Variants in COL5A2 observed in about 807,000 individuals in gnomAD.
COL5A2 encodes the protein collagen alpha-2(V) chain.
In COL5A2, 23 loss-of-function variants were observed where a neutral mutation model predicts 208.2. The ratio of observed to expected loss-of-function variants is 0.11; its 90% CI spans 0.08 to 0.16. COL5A2 has a LOEUF of 0.16. Ranked by LOEUF, COL5A2 falls within the 10% of genes least tolerant of loss-of-function variation. COL5A2 has a pLI of 1.00. For missense variants in COL5A2, 1,590 were observed against 1,956.4 expected (o/e 0.81, Z 3.53); for synonymous variants, 625 against 628.5 (o/e 0.99, Z 0.08).
chr2:189,200,592 G>A (rs1241981596), intron 1 of COL5A2, among the ~76,000 whole-genome samples: 1 of 144,642 alleles, frequency 6.9e-6, no homozygotes, highest in East Asian at 2.0e-4. Flanking sequence ...ATGACCAAGA[G>A]TTTTCCCAAA....
At chr2:189,096,166 T>C (rs1686904719) in intron 6 of COL5A2, 1 of 152,158 alleles carries the variant, frequency 6.6e-6, no homozygotes, top group Admixed American at 6.5e-5. Context: ...TTCAAACTTG[T>C]CTGCTGTTTG....
At chr2:189,422,612 A>G in the COL5A2 span, among the ~76,000 whole-genome samples, 1 of 152,228 alleles carries the variant, frequency 6.6e-6, no homozygotes, top group Non-Finnish European at 1.5e-5. Flanking sequence ...ACTCTCCAGT[A>G]TAAATCATGT....
chr2:189,186,710 C>G (rs1185679293), intron 1 of COL5A2, among the ~76,000 whole-genome samples: 1 of 152,060 alleles, frequency 6.6e-6, no homozygotes, highest in African/African-American at 2.4e-5. Context: ...AAAAAAATTA[C>G]AATATTGGGA....
intron 1 of COL5A2, among the ~76,000 whole-genome samples, chr2:189,111,885 A>G (rs1266109349): frequency 6.6e-6 from 1 of 150,956 alleles, no homozygotes; most frequent in Non-Finnish European, 1.5e-5. Flanking sequence ...TCTTTTTTAA[A>G]ATGGAGTTTT....
At chr2:189,184,111 T>A (rs1436005902), upstream of COL5A2, among the ~76,000 whole-genome samples, 1 of 152,122 alleles carries the variant, frequency 6.6e-6, no homozygotes, top group Non-Finnish European at 1.5e-5. Context: ...TAGGCAAATA[T>A]ACAAACAAGG....
rs1430195802 is a variant in COL5A2 at position 189,146,930 on chromosome 2, ATTTGTGAAACTATC to A, written c.97+32564_97+32577del. ...TAACTGGAAATTAGACCAGAAAAAG[ATTTGTGAAACTATC>A]TTTGTGAAACTATATTTGTGAAAAA... On this transcript the variant is annotated intron_variant, in intron 1 of 53. Coordinates refer to ENST00000374866, the MANE Select transcript of COL5A2 (RefSeq NM_000393.5). Among the ~76,000 whole-genome samples the A allele has an allele frequency of 4.6e-5, 7 of 152,272 alleles. 1 individual carries two copies. In the East Asian group the frequency reaches 1.2e-3, roughly 25 times the overall value.
chr2:189,191,182 AC>A (rs779935140), intron 1 of COL5A2, among the ~76,000 whole-genome samples: 30 of 148,088 alleles, frequency 2.0e-4, no homozygotes, highest in South Asian at 2.1e-4. Flanking sequence ...AAAAACAACA[AC>A]AAAAAAAACC....
At chr2:189,174,913 A>G (rs1300999135) in intron 1 of COL5A2, among the ~76,000 whole-genome samples, 1 of 152,252 alleles carries the variant, frequency 6.6e-6, no homozygotes, top group African/African-American at 2.4e-5. Flanking sequence ...AAATTTATCT[A>G]AAGACAAGAA....
At chr2:189,245,871 A>G in the COL5A2 span, among the ~76,000 whole-genome samples, 9 of 152,152 alleles carry the variant, frequency 5.9e-5, no homozygotes, top group Admixed American at 5.9e-4. Flanking sequence ...TGTCATTACA[A>G]CTTTTGTTTA....
At chr2:189,311,335 T>C in the COL5A2 span, 3 of 1,037,654 alleles carry the variant, frequency 2.9e-6, no homozygotes, top group East Asian at 2.4e-5. Context: ...TGGTGGTGTT[T>C]TGGATGGTTT....
chr2:189,277,477 T>C, the COL5A2 span, among the ~76,000 whole-genome samples: 1 of 152,088 alleles, frequency 6.6e-6, no homozygotes, highest in African/African-American at 2.4e-5. Context: ...TGCCGCTCTC[T>C]ATACCCCTTA....
the COL5A2 span, among the ~76,000 whole-genome samples, chr2:189,354,493 T>G: frequency 6.6e-6 from 1 of 152,236 alleles, no homozygotes; most frequent in Non-Finnish European, 1.5e-5. Context: ...AACTTCTTCC[T>G]GGTTTAGACT....
the COL5A2 span, among the ~76,000 whole-genome samples, chr2:189,340,465 T>C: frequency 6.6e-6 from 1 of 152,326 alleles, no homozygotes; most frequent in East Asian, 1.9e-4. Context: ...GAATCTCCTT[T>C]GCCATTAAGA....
At chr2:189,143,764 G>A (rs756692454) in intron 1 of COL5A2, among the ~76,000 whole-genome samples, 7 of 152,052 alleles carry the variant, frequency 4.6e-5, no homozygotes, top group Non-Finnish European at 1.0e-4. Context: ...AGAATAACTA[G>A]AAAAGACTTC....
rs1200980765 is a variant in COL5A2 at position 189,049,450 on chromosome 2, G to T, written c.3044C>A (p.Thr1015Lys). 2.5e-6 allele frequency: 4 copies of T among 1,611,668 alleles called. No individual in the cohort carries two copies. The African/African-American group carries it at 5.3e-5, about 21-fold the overall frequency. The change falls in exon 44 of 54, where the codon ACA (threonine) becomes AAA (lysine). Residue 1015 changes from threonine (T) to lysine (K), a missense_variant. Transcript: ENST00000374866. ...ACCAGTTGGTCCTACTTTTCCTGGTGTTCCCTGAAATAGAAGTATAAATGT... is the reference window on the plus strand; with the variant it reads ...ACCAGTTGGTCCTACTTTTCCTGGTTTTCCCTGAAATAGAAGTATAAATGT... ...GMPGLPGPAG[T>K]PGKVGPTGAT...
the COL5A2 span, among the ~76,000 whole-genome samples, chr2:189,242,632 G>T: frequency 6.6e-6 from 1 of 152,124 alleles, no homozygotes; most frequent in East Asian, 1.9e-4. Flanking sequence ...ATACTGTTTT[G>T]TGTGTGAGAA....
At chr2:189,159,739 G>C (rs1457538010) in intron 1 of COL5A2, among the ~76,000 whole-genome samples, 2 of 151,960 alleles carry the variant, frequency 1.3e-5, no homozygotes, top group Non-Finnish European at 2.9e-5. Context: ...AAATTGGCCA[G>C]GCACGGTGGC....
At chr2:189,283,316 A>C in the COL5A2 span, among the ~76,000 whole-genome samples, 1 of 152,008 alleles carries the variant, frequency 6.6e-6, no homozygotes, top group Non-Finnish European at 1.5e-5. Flanking sequence ...GCAAAGGAGA[A>C]AAGATAAAAT....
At chr2:189,244,279 T>C in the COL5A2 span, among the ~76,000 whole-genome samples, 2 of 152,236 alleles carry the variant, frequency 1.3e-5, no homozygotes, top group African/African-American at 2.4e-5. Flanking sequence ...CAAAATTTTA[T>C]GCTCTGTTTC....
Sources: gnomAD v4.1 joint callset for allele counts (sites outside exome capture counted in the v4.1 genomes callset) on GRCh38, gnomAD v4.1.1 for gene constraint, MANE v1.5 for transcripts, NCBI Gene and HGNC (gene_info 2026-07-23, HGNC 2026-07-21) for gene names.